Variants in VTI1A observed in about 807,000 individuals in gnomAD.
The protein encoded by VTI1A is vesicle transport through interaction with t-SNAREs 1A, also known as vesicle transport through interaction with t-SNAREs homolog 1A.
A neutral mutation model predicts 34.9 loss-of-function variants in VTI1A; 22 were observed. The observed-to-expected ratio is 0.63, with a 90% confidence interval of 0.45 to 0.90. VTI1A has a LOEUF of 0.90. Among genes scored for constraint, VTI1A ranks in the 40% least tolerant of loss-of-function variants. The pLI is 0.00. For missense variants in VTI1A, 268 were observed against 275.6 expected (o/e 0.97, Z 0.20); for synonymous variants, 87 against 97.3 (o/e 0.89, Z 0.62).
intron 5 of VTI1A, among the ~76,000 whole-genome samples, chr10:112,620,485 GT>G: frequency 6.6e-6 from 1 of 152,236 alleles, no homozygotes; most frequent in South Asian, 2.1e-4. Context: ...GCGGGGGCCA[GT>G]TTTTAACTAG....
intron 7 of VTI1A, among the ~76,000 whole-genome samples, chr10:112,733,750 T>C (rs1033453642): frequency 6.7e-6 from 1 of 148,478 alleles, no homozygotes; most frequent in Non-Finnish European, 1.5e-5. Context: ...TTTATTTTAT[T>C]TTATTTTATT....
intron 7 of VTI1A, among the ~76,000 whole-genome samples, chr10:112,774,273 G>A (rs541752301): frequency 6.6e-6 from 1 of 152,306 alleles, no homozygotes; most frequent in African/African-American, 2.4e-5. Flanking sequence ...AGACACAAAG[G>A]CATCTGTGTT....
intron 5 of VTI1A, among the ~76,000 whole-genome samples, chr10:112,665,986 CA>C (rs1392639998): frequency 6.6e-6 from 1 of 151,890 alleles, no homozygotes; most frequent in East Asian, 1.9e-4. Context: ...TCATGGTGCT[CA>C]TATATATTAA....
intron 3 of VTI1A, among the ~76,000 whole-genome samples, chr10:112,519,912 A>G (rs990129516): frequency 6.6e-6 from 1 of 152,002 alleles, no homozygotes; most frequent in Non-Finnish European, 1.5e-5. Context: ...TTCCTTCCCA[A>G]TGCTAGGCAG....
intron 4 of VTI1A, among the ~76,000 whole-genome samples, chr10:112,528,407 A>G (rs950355950): frequency 1.1e-4 from 17 of 151,938 alleles, no homozygotes. Flanking sequence ...CTCCTCCACT[A>G]TTTGGATGTT....
At chr10:112,735,714 G>A (rs1179107111) in intron 7 of VTI1A, among the ~76,000 whole-genome samples, 2 of 152,050 alleles carry the variant, frequency 1.3e-5, no homozygotes, top group Non-Finnish European at 2.9e-5. Context: ...AACACACAAA[G>A]CCTGCTCTTG....
intron 5 of VTI1A, among the ~76,000 whole-genome samples, chr10:112,624,401 A>G (rs1258523874): frequency 6.6e-6 from 1 of 152,194 alleles, no homozygotes; most frequent in African/African-American, 2.4e-5. Flanking sequence ...TATTACCTAG[A>G]GACTTCTAGG....
At chr10:112,483,597 G>A (rs553378519) in intron 3 of VTI1A, among the ~76,000 whole-genome samples, 2 of 152,252 alleles carry the variant, frequency 1.3e-5, no homozygotes, top group African/African-American at 2.4e-5. Flanking sequence ...GGGTGGTCCT[G>A]TGTCTTCTAG....
At chr10:112,763,606 AAATAT>A (rs1378084948) in intron 7 of VTI1A, among the ~76,000 whole-genome samples, 1 of 152,184 alleles carries the variant, frequency 6.6e-6, no homozygotes, top group Non-Finnish European at 1.5e-5. Context: ...TCTGAGAAGT[AAATAT>A]AATGGCCTGG....
chr10:112,777,218 G>A lies in VTI1A; in HGVS notation c.561-38072G>A, dbSNP rs1043706834. ...CTCATGGATTCTGTTTCTATACATGGATGACCAGAAAATAAAAAAGACAAG... is the reference window on the plus strand; with the variant it reads ...CTCATGGATTCTGTTTCTATACATGAATGACCAGAAAATAAAAAAGACAAG... On this transcript the variant is annotated intron_variant, in intron 7 of 7. Transcript: ENST00000393077. 3.3e-5 allele frequency among the ~76,000 whole-genome samples: 5 copies of A among 152,220 alleles called. No individual in the cohort carries two copies. In the East Asian group the frequency reaches 9.6e-4, roughly 29 times the overall value.
intron 3 of VTI1A, among the ~76,000 whole-genome samples, chr10:112,468,542 G>T (rs1221794977): frequency 6.6e-6 from 1 of 152,128 alleles, no homozygotes; most frequent in Non-Finnish European, 1.5e-5. Context: ...GAGCATTTAT[G>T]CCCATGGGGA....
intron 3 of VTI1A, among the ~76,000 whole-genome samples, chr10:112,502,537 G>A (rs190978040): frequency 1.4e-4 from 22 of 152,328 alleles, no homozygotes; most frequent in Middle Eastern, 6.8e-3. Flanking sequence ...GACGTCTGCA[G>A]ATGTTTATGT....
intron 3 of VTI1A, among the ~76,000 whole-genome samples, chr10:112,514,281 C>G (rs1849703625): frequency 6.6e-6 from 1 of 151,686 alleles, no homozygotes; most frequent in African/African-American, 2.4e-5. Context: ...TTCTATTATC[C>G]AATTTGTTGG....
intron 5 of VTI1A, among the ~76,000 whole-genome samples, chr10:112,550,740 A>T (rs2134294848): frequency 6.6e-6 from 1 of 152,262 alleles, no homozygotes; most frequent in East Asian, 1.9e-4. Context: ...GTCGTAGTTA[A>T]ATAAATATCT....
chr10:112,801,619 C>T (rs1214727125), intron 7 of VTI1A, among the ~76,000 whole-genome samples: 4 of 152,200 alleles, frequency 2.6e-5, no homozygotes, highest in Admixed American at 2.6e-4. Flanking sequence ...AGACCTGAAT[C>T]TTTCTATAGT....
chr10:112,647,946 T>C (rs1014365380), intron 5 of VTI1A, among the ~76,000 whole-genome samples: 2 of 152,116 alleles, frequency 1.3e-5, no homozygotes, highest in African/African-American at 4.8e-5. Flanking sequence ...ATTTTTCTAT[T>C]TTTGGTAGAG....
chr10:112,612,858 A>G (rs1223486677), intron 5 of VTI1A, among the ~76,000 whole-genome samples: 1 of 152,242 alleles, frequency 6.6e-6, no homozygotes, highest in African/African-American at 2.4e-5. Context: ...ATAGAGAAAA[A>G]TAAAACAGAT....
At chr10:112,618,548 G>GAGAGAGAGAGAGAGAGAGAGA (rs1845608196) in intron 5 of VTI1A, among the ~76,000 whole-genome samples, 1 of 142,072 alleles carries the variant, frequency 7.0e-6, no homozygotes, top group African/African-American at 2.6e-5. Flanking sequence ...GAGAGAGAGA[G>GAGAGAGAGAGAGAGAGAGAGA]TAAATGTCAA....
chr10:112,854,808 G>A, the VTI1A span, among the ~76,000 whole-genome samples: 1 of 152,174 alleles, frequency 6.6e-6, no homozygotes, highest in African/African-American at 2.4e-5. Flanking sequence ...GGGGTCTGCT[G>A]GGCCGCCTGC....
Sources: gnomAD v4.1 joint callset for allele counts (sites outside exome capture counted in the v4.1 genomes callset) on GRCh38, gnomAD v4.1.1 for gene constraint, MANE v1.5 for transcripts, NCBI Gene and HGNC (gene_info 2026-07-23, HGNC 2026-07-21) for gene names.